KCNJ9: variants seen among roughly 807,000 people sequenced by gnomAD.
The protein encoded by KCNJ9 is potassium inwardly rectifying channel subfamily J member 9, also known as G protein-activated inward rectifier potassium channel 3.
In KCNJ9, 18 loss-of-function variants were observed where a neutral mutation model predicts 27.9. The observed-to-expected ratio is 0.65, with a 90% confidence interval of 0.45 to 0.96. The LOEUF is 0.96. Among genes scored for constraint, KCNJ9 ranks in the 40% least tolerant of loss-of-function variants. The pLI, the probability that KCNJ9 is intolerant of heterozygous loss-of-function variation, is 0.00. For synonymous variants in KCNJ9, 229 were observed against 248.2 expected (o/e 0.92, Z 0.73); for missense variants, 324 against 557.5 (o/e 0.58, Z 4.22).
intron 2 of KCNJ9, among the ~76,000 whole-genome samples, chr1:160,087,023 G>T (rs568041968): frequency 6.6e-6 from 1 of 152,298 alleles, no homozygotes; most frequent in East Asian, 1.9e-4. Context: ...CCAGGGTACA[G>T]GTTTTAGCTC....
Position 160,084,684 on chromosome 1 carries a change from C to A in KCNJ9, c.654C>A (p.Gly218=), listed in dbSNP as rs1459775959. 1.9e-6 allele frequency: 3 copies of A among 1,593,200 alleles called. No homozygotes were observed. The highest frequency in any genetic ancestry group is 1.7e-4 in the Middle Eastern group (1 of 6,032). Residue 218 remains glycine (G), a synonymous_variant, in exon 2 of 3, where the codon GGC becomes GGA. Transcript: ENST00000368088. The part of the protein sequence containing the change: ...KLIRSRQTLE[G]EFIPLHQTDL... ...TCCGCTCGCGCCAGACGCTGGAGGGCGAGTTCATCCCGCTGCACCAGACCG... is the reference window on the plus strand; with the variant it reads ...TCCGCTCGCGCCAGACGCTGGAGGGAGAGTTCATCCCGCTGCACCAGACCG...
At position 160,087,834 on chromosome 1, in the gene KCNJ9, C is replaced by T; in HGVS notation, c.*17C>T. On this transcript the variant is annotated 3_prime_UTR_variant, in exon 3 of 3. Transcript: ENST00000368088. Reference sequence around the variant, plus strand: ...AAGGTGTGACCAGCTTCCTCCAGACCCCTGTGGCAGACCGGGGGCCAGACA... The same window carrying T: ...AAGGTGTGACCAGCTTCCTCCAGACTCCTGTGGCAGACCGGGGGCCAGACA... The T allele has an allele frequency of 6.9e-7, 1 of 1,440,344 alleles. No individual in the cohort carries two copies. Among genetic ancestry groups the T allele is most frequent in the Non-Finnish European group, 9.1e-7 (1 of 1,097,424 alleles). The allele number at this position is 1,440,344 out of a possible 1,614,324, so 89.2% of individuals were successfully genotyped here. A position where few individuals can be genotyped will look rare whatever the true frequency, so the allele number is the denominator to read the frequency against.
chr1:160,082,367 C>T (rs1361724485), intron 1 of KCNJ9, among the ~76,000 whole-genome samples: 1 of 152,184 alleles, frequency 6.6e-6, no homozygotes, highest in Non-Finnish European at 1.5e-5. Flanking sequence ...CAGGGGAAAC[C>T]CTAATCTTCC....
In KCNJ9 at chr1:160,087,780, G is replaced by C; in HGVS notation, c.1145G>C (p.Gly382Ala). 6.7e-7 allele frequency: 1 copy of C among 1,503,496 alleles called. No homozygotes were observed. Among genetic ancestry groups the C allele is most frequent in the Non-Finnish European group, 8.9e-7 (1 of 1,124,744 alleles). 93.1% of individuals were successfully genotyped at this position (1,503,496 alleles called of 1,614,324 possible). A position where few individuals can be genotyped will look rare whatever the true frequency, so the allele number is the denominator to read the frequency against. The change falls in exon 3 of 3, where the codon GGC (glycine) becomes GCC (alanine). Residue 382 changes from glycine to alanine, a missense_variant. This residue lies in a region of KCNJ9 where 51 missense variants were observed against 44.1 expected (regional missense o/e 1.16). Transcript: ENST00000368088. ...GEAGADKEQN[G>A]CLPPPESESK... ...GCTGGGGCTGACAAGGAGCAGAATG[G>C]CTGCCTGCCACCCCCAGAGAGTGAG...
intron 2 of KCNJ9, among the ~76,000 whole-genome samples, chr1:160,086,436 T>A (rs1398124991): frequency 6.6e-6 from 1 of 152,158 alleles, no homozygotes; most frequent in Non-Finnish European, 1.5e-5. Flanking sequence ...TGTCTGTTTT[T>A]CTAGAGAGAT....
intron 1 of KCNJ9, among the ~76,000 whole-genome samples, chr1:160,083,635 C>G (rs865797328): frequency 6.6e-6 from 1 of 152,192 alleles, no homozygotes; most frequent in African/African-American, 2.4e-5. Context: ...GTGCTGCACA[C>G]CCCAGCTGGA....
chr1:160,084,540 G>T lies in KCNJ9; in HGVS notation c.510G>T (p.Thr170=). 4 of 1,612,278 alleles carry T rather than the reference G, an allele frequency of 2.5e-6. No individual in the cohort carries two copies. The highest frequency in any genetic ancestry group is 3.4e-6 in the Non-Finnish European group (4 of 1,179,382). The part of the protein sequence containing the change: ...KISQPNKRAA[T]LVFSSHAVVS... ...CGCAGCCCAACAAGCGCGCAGCCACGCTCGTCTTCTCCTCGCACGCCGTGG... is the reference window on the plus strand; with the variant it reads ...CGCAGCCCAACAAGCGCGCAGCCACTCTCGTCTTCTCCTCGCACGCCGTGG... Residue 170 remains threonine, a synonymous_variant, in exon 2 of 3, where the codon ACG becomes ACT. Transcript: ENST00000368088.
In KCNJ9 at chr1:160,084,665, C is replaced by A; in HGVS notation, c.635C>A (p.Ser212Ter). 6.3e-7 allele frequency: 1 copy of A among 1,595,140 alleles called. No individual in the cohort carries two copies. Among genetic ancestry groups the A allele is most frequent in the East Asian group, 2.3e-5 (1 of 43,790 alleles). ...EASIRAKLIR[S>*]RQTLEGEFIP... ...TCCATCCGCGCCAAGCTCATCCGCT[C>A]GCGCCAGACGCTGGAGGGCGAGTTC... Residue 212 changes from serine (S) to a stop codon, truncating the protein, a stop_gained, in exon 2 of 3, where the codon TCG (serine) becomes TAG (stop). Transcript: ENST00000368088. LOFTEE classifies it high-confidence loss of function.
chr1:160,086,248 G>A (rs1030846888), intron 2 of KCNJ9, among the ~76,000 whole-genome samples: 17 of 152,138 alleles, frequency 1.1e-4, no homozygotes, highest in African/African-American at 3.6e-4. Context: ...GCCACTCTCC[G>A]GTTAGCTAAT....
chr1:160,083,064 T>A (rs369147811), intron 1 of KCNJ9, among the ~76,000 whole-genome samples: 1 of 152,196 alleles, frequency 6.6e-6, no homozygotes, highest in Non-Finnish European at 1.5e-5. Flanking sequence ...ATGTCTCTCA[T>A]GAAGAATAGG....
intron 1 of KCNJ9, among the ~76,000 whole-genome samples, chr1:160,082,182 G>A (rs563252318): frequency 4.4e-4 from 67 of 152,316 alleles, no homozygotes; most frequent in Non-Finnish European, 8.7e-4. Context: ...GCCGACTGGG[G>A]GTCAGATTAC....
intron 1 of KCNJ9, among the ~76,000 whole-genome samples, chr1:160,083,048 G>A (rs1649709755): frequency 6.6e-6 from 1 of 152,178 alleles, no homozygotes; most frequent in Non-Finnish European, 1.5e-5. Context: ...CACCTGATCT[G>A]ATTCCATGTC....
intron 2 of KCNJ9, among the ~76,000 whole-genome samples, chr1:160,085,485 G>C (rs1042848443): frequency 1.3e-5 from 2 of 152,212 alleles, no homozygotes; most frequent in East Asian, 3.8e-4. Flanking sequence ...TCCATTGCCT[G>C]AGTTATTTCT....
rs1223512763 is a variant in KCNJ9, at chr1:160,089,650, CCTG to C, written c.*1836_*1838del. On this transcript the variant is annotated 3_prime_UTR_variant, in exon 3 of 3. Transcript: ENST00000368088. The stretch of plus-strand genomic sequence containing the variant: ...GACGCATATTCTCACCCCACCTCCA[CCTG>C]CTTCCTGATCACATCCCAGTCACCA... 6.6e-6 allele frequency: 1 copy of C among 152,370 alleles called. No homozygotes were observed. Among genetic ancestry groups the C allele is most frequent in the Non-Finnish European group, 1.5e-5 (1 of 68,132 alleles). The allele number at this position is 152,370 out of a possible 1,614,324, so 9.4% of individuals were successfully genotyped here.
chr1:160,086,531 C>A (rs1357622808), intron 2 of KCNJ9, among the ~76,000 whole-genome samples: 1 of 152,172 alleles, frequency 6.6e-6, no homozygotes, highest in Non-Finnish European at 1.5e-5. Flanking sequence ...AGCCAAAACC[C>A]AGCAAGATGA....
chr1:160,083,876 C>A, intron 1 of KCNJ9, 41 bp from the exon 2 acceptor site: 1 of 590,090 alleles, frequency 1.7e-6, no homozygotes, highest in Non-Finnish European at 2.4e-6. Flanking sequence ...CGTGCCTCCC[C>A]ATCTCCCGAG....
chr1:160,082,306 C>T (rs56211999), intron 1 of KCNJ9, among the ~76,000 whole-genome samples: 15,126 of 152,214 alleles, frequency 0.099, 1,040 homozygotes, highest in Admixed American at 0.14. Context: ...GCTTACTCTT[C>T]CTGAGGACAT....
At chr1:160,083,335 G>A (rs913073649) in intron 1 of KCNJ9, among the ~76,000 whole-genome samples, 3 of 152,156 alleles carry the variant, frequency 2.0e-5, no homozygotes, top group Non-Finnish European at 2.9e-5. Context: ...TTTCTTTCTC[G>A]TTTGTAAGCA....
Position 160,084,222 on chromosome 1 carries a change from C to A in KCNJ9, c.192C>A (p.Phe64Leu). The A allele has an allele frequency of 6.2e-7, 1 of 1,613,174 alleles. No individual in the cohort carries two copies. Among genetic ancestry groups the A allele is most frequent in the Non-Finnish European group, 8.5e-7 (1 of 1,179,730 alleles). The change falls in exon 2 of 3, where the codon TTC becomes TTA. Residue 64 changes from phenylalanine (F) to leucine (L), a missense_variant. Coordinates refer to ENST00000368088, the MANE Select transcript of KCNJ9 (RefSeq NM_004983.3). ...DLQWRLSLLF[F>L]VLAYALTWLF... ...AGTGGCGCCTCAGCCTGTTGTTCTT[C>A]GTCCTGGCCTACGCGCTCACCTGGC... is the stretch of plus-strand genomic sequence containing the variant.
Sources: allele counts gnomAD v4.1 joint callset (sites outside exome capture counted in the v4.1 genomes callset), GRCh38; gene constraint gnomAD v4.1.1; regional missense constraint gnomAD v4.1.1; transcripts MANE v1.5; gene names NCBI Gene and HGNC (gene_info 2026-07-23, HGNC 2026-07-21).